Variants in ADAMTSL1 observed in about 807,000 individuals in gnomAD.
The protein encoded by ADAMTSL1 is ADAMTS-like protein 1.
ADAMTSL1 carries 126 observed loss-of-function variants against 201.8 expected under a neutral mutation model. The ratio of observed to expected loss-of-function variants is 0.62; its 90% CI spans 0.54 to 0.72. The LOEUF (loss-of-function observed/expected upper bound fraction) is 0.72, where lower values mean the gene tolerates loss of function less well. Among genes scored for constraint, ADAMTSL1 ranks in the 30% least tolerant of loss-of-function variants. The pLI is 0.00. For missense variants in ADAMTSL1, 2,679 were observed against 2,277.8 expected, an observed-to-expected ratio of 1.18 and a Z score of -3.59; for synonymous variants, 1,121 against 903.4, an observed-to-expected ratio of 1.24 and a Z score of -4.32.
intron 2 of ADAMTSL1, among the ~76,000 whole-genome samples, chr9:18,520,208 A>G (rs538068414): frequency 1.3e-5 from 2 of 152,322 alleles, no homozygotes; most frequent in Non-Finnish European, 2.9e-5. Context: ...AAAAATCTGT[A>G]AAAGTGCAGA....
At chr9:18,169,122 T>G (rs541830552) in intron 2 of ADAMTSL1, among the ~76,000 whole-genome samples, 5 of 140,856 alleles carry the variant, frequency 3.5e-5, no homozygotes, top group Admixed American at 3.0e-4. Context: ...AGAAGCTCTT[T>G]AGTTTAATGA....
intron 1 of ADAMTSL1, chr9:17,906,944 G>GCGTC: frequency 6.6e-6 from 1 of 152,436 alleles, no homozygotes; most frequent in East Asian, 1.9e-4. Context: ...TGTGCGTCTT[G>GCGTC]CGTCCCTCCC....
intron 21 of ADAMTSL1, among the ~76,000 whole-genome samples, chr9:18,821,598 G>A (rs555229910): frequency 2.4e-4 from 36 of 152,306 alleles, no homozygotes; most frequent in Non-Finnish European, 4.9e-4. Flanking sequence ...AACAGCTATC[G>A]TTGTCTGCCA....
chr9:18,088,389 G>A (rs745698203), intron 1 of ADAMTSL1, among the ~76,000 whole-genome samples: 1 of 152,098 alleles, frequency 6.6e-6, no homozygotes, highest in Non-Finnish European at 1.5e-5. Context: ...AGCAAAATTA[G>A]ACAAGTCACA....
intron 2 of ADAMTSL1, among the ~76,000 whole-genome samples, chr9:18,303,840 G>C (rs2132744420): frequency 6.6e-6 from 1 of 152,220 alleles, no homozygotes; most frequent in South Asian, 2.1e-4. Flanking sequence ...TTTGACCTGG[G>C]CTTGGAATAT....
At chr9:18,663,353 G>C (rs1002388320) in intron 9 of ADAMTSL1, among the ~76,000 whole-genome samples, 3 of 151,972 alleles carry the variant, frequency 2.0e-5, no homozygotes, top group Admixed American at 1.3e-4. Context: ...GTTTAATTTA[G>C]CATCATATTA....
chr9:18,303,530 A>G (rs147690718), intron 2 of ADAMTSL1, among the ~76,000 whole-genome samples: 118 of 152,304 alleles, frequency 7.7e-4, no homozygotes, highest in African/African-American at 2.8e-3. Flanking sequence ...TTCAGCTACC[A>G]TAAAGGTCAA....
intron 1 of ADAMTSL1, among the ~76,000 whole-genome samples, chr9:18,017,995 T>C (rs1820327670): frequency 6.6e-6 from 1 of 152,096 alleles, no homozygotes; most frequent in Admixed American, 6.6e-5. Context: ...ATTTTCAAAC[T>C]GTGGCCTGAG....
At chr9:18,678,162 A>G (rs554974278) in intron 10 of ADAMTSL1, among the ~76,000 whole-genome samples, 1 of 152,134 alleles carries the variant, frequency 6.6e-6, no homozygotes, top group African/African-American at 2.4e-5. Context: ...ACTCTTGTGC[A>G]TCCTGCTTAA....
chr9:18,211,705 T>C (rs1289041479), intron 2 of ADAMTSL1, among the ~76,000 whole-genome samples: 2 of 152,194 alleles, frequency 1.3e-5, no homozygotes, highest in Non-Finnish European at 2.9e-5. Context: ...AATTTCACCG[T>C]CCCTTCAGCA....
chr9:17,930,851 C>A (rs1826754177), intron 1 of ADAMTSL1, among the ~76,000 whole-genome samples: 1 of 152,142 alleles, frequency 6.6e-6, no homozygotes, highest in Non-Finnish European at 1.5e-5. Flanking sequence ...AGTGAATCTT[C>A]CCAGGCTCTT....
Position 18,372,760 on chromosome 9 carries a change from A to C in ADAMTSL1, c.208-132069A>C, listed in dbSNP as rs1035252245. ...ATACAGTAATGAAGGCTTTGGTTAC[A>C]TGTGGGGCTCTCTAAAATATATGCT... is the stretch of plus-strand genomic sequence containing the variant. On this transcript the variant is annotated intron_variant, in intron 2 of 29. Coordinates refer to the ADAMTSL1 transcript ENST00000680146. Among the ~76,000 whole-genome samples, 74 of 152,208 alleles carry C rather than the reference A, an allele frequency of 4.9e-4. 2 individuals are homozygous for C. The highest frequency in any genetic ancestry group is 1.5e-4 in the Non-Finnish European group (10 of 68,042).
chr9:18,066,892 A>C (rs1304287470), intron 1 of ADAMTSL1, among the ~76,000 whole-genome samples: 1 of 152,234 alleles, frequency 6.6e-6, no homozygotes, highest in Non-Finnish European at 1.5e-5. Context: ...CGAGAACAAA[A>C]AACCAAACAC....
At chr9:18,681,462 C>A in intron 11 of ADAMTSL1, 1 of 157,062 alleles carries the variant, frequency 6.4e-6, no homozygotes, top group Non-Finnish European at 1.4e-5. Flanking sequence ...AAATAAAATA[C>A]AGTGCTGGTA....
chr9:18,881,645 G>T (rs1828542263), intron 23 of ADAMTSL1, among the ~76,000 whole-genome samples: 1 of 152,174 alleles, frequency 6.6e-6, no homozygotes, highest in Non-Finnish European at 1.5e-5. Context: ...GAGACATAAA[G>T]TATGCACACA....
chr9:18,825,017 G>A (rs1478080065), intron 21 of ADAMTSL1, among the ~76,000 whole-genome samples: 4 of 152,070 alleles, frequency 2.6e-5, no homozygotes, highest in South Asian at 2.1e-4. Context: ...CTTTAAGCAT[G>A]CCCTGGATAC....
Position 18,826,486 on chromosome 9 carries a change from C to A in ADAMTSL1, c.4114+23C>A, listed in dbSNP as rs1235118771. ...TAGGTAAACACTTCAAAGCTGGCTG[C>A]CTCTGCTGCACCCTGTTGGGAGTGA... On this transcript the variant is annotated intron_variant, in intron 22 of 28. Coordinates refer to ENST00000380548, the MANE Select transcript of ADAMTSL1 (RefSeq NM_001040272.6). 3 of 1,601,992 alleles carry A rather than the reference C, an allele frequency of 1.9e-6. No individual in the cohort carries two copies. In the South Asian group the frequency reaches 3.4e-5, roughly 18 times the overall value.
At chr9:18,486,954 T>G (rs1427779939) in intron 1 of ADAMTSL1, among the ~76,000 whole-genome samples, 2 of 152,204 alleles carry the variant, frequency 1.3e-5, no homozygotes, top group Non-Finnish European at 2.9e-5. Context: ...TTTGCCCTGA[T>G]TCTTGCAGCT....
intron 1 of ADAMTSL1, among the ~76,000 whole-genome samples, chr9:17,940,977 A>G (rs946813251): frequency 6.6e-6 from 1 of 151,330 alleles, no homozygotes; most frequent in Non-Finnish European, 1.5e-5. Flanking sequence ...AATCCTACAA[A>G]TTTTTCCATG....
Sources: allele counts gnomAD v4.1 joint callset (sites outside exome capture counted in the v4.1 genomes callset), GRCh38; gene constraint gnomAD v4.1.1; transcripts MANE v1.5; gene names NCBI Gene and HGNC (gene_info 2026-07-23, HGNC 2026-07-21).